Variants in PAK1 observed in about 807,000 individuals in gnomAD.
PAK1 encodes the protein serine/threonine-protein kinase PAK 1.
Under a neutral mutation model 67.4 loss-of-function variants are expected in PAK1, and 29 were observed. The observed-to-expected ratio is 0.43, with a 90% CI of 0.32 to 0.59. PAK1 has a LOEUF of 0.59. PAK1 is among the 20% of genes least tolerant of loss of function. The pLI is 0.07. For missense variants in PAK1, 337 were observed against 670.7 expected (o/e 0.50, Z 5.50); for synonymous variants, 223 against 237.4 (o/e 0.94, Z 0.56).
chr11:77,480,804 G>A, the PAK1 span, among the ~76,000 whole-genome samples: 1,100 of 152,220 alleles, frequency 7.2e-3, 13 homozygotes, highest in African/African-American at 0.025. Flanking sequence ...GATTACAGGC[G>A]TGAGCCACCA....
chr11:77,379,825 G>A, intron 3 of PAK1, 69 bp downstream of exon 3: 2 of 1,012,030 alleles, frequency 2.0e-6, no homozygotes, highest in Non-Finnish European at 3.0e-6. Context: ...AGATGAGAAA[G>A]GGTTGAATCT....
At chr11:77,376,095 A>T (rs1221728391) in intron 4 of PAK1, among the ~76,000 whole-genome samples, 1 of 152,226 alleles carries the variant, frequency 6.6e-6, no homozygotes, top group Non-Finnish European at 1.5e-5. Context: ...ACTTTGGCAG[A>T]GTACAACACT....
At chr11:77,482,220 C>G in the PAK1 span, among the ~76,000 whole-genome samples, 1 of 151,832 alleles carries the variant, frequency 6.6e-6, no homozygotes, top group African/African-American at 2.4e-5. Flanking sequence ...AACTCCTGAC[C>G]TCAGGTAATC....
chr11:77,373,919 A>C (rs1948761852), intron 5 of PAK1, among the ~76,000 whole-genome samples: 1 of 152,224 alleles, frequency 6.6e-6, no homozygotes, highest in Non-Finnish European at 1.5e-5. Flanking sequence ...AGACATGTCC[A>C]GGTGAGGGCA....
At chr11:77,353,420 G>A (rs1945555918) in intron 8 of PAK1, 116 bp downstream of exon 8, 1 of 720,350 alleles carries the variant, frequency 1.4e-6, no homozygotes. Flanking sequence ...TGGGTGAGGG[G>A]TAAAGTGGAG....
At chr11:77,514,231 C>T in the PAK1 span, among the ~76,000 whole-genome samples, 2 of 152,160 alleles carry the variant, frequency 1.3e-5, no homozygotes, top group Non-Finnish European at 2.9e-5. Flanking sequence ...CGGTGGCTAA[C>T]GCCTGTAATC....
upstream of PAK1, among the ~76,000 whole-genome samples, chr11:77,477,575 A>AAAAAAAAAAAC (rs1264519887): frequency 6.6e-6 from 1 of 150,482 alleles, no homozygotes; most frequent in Non-Finnish European, 1.5e-5. Context: ...TACAAAAAAA[A>AAAAAAAAAAAC]AAAAACCCAA....
chr11:77,422,207 C>G (rs908384951), intron 1 of PAK1, among the ~76,000 whole-genome samples: 2 of 152,260 alleles, frequency 1.3e-5, no homozygotes, highest in Admixed American at 1.3e-4. Context: ...ACACAGGCAC[C>G]AGCACACATT....
the PAK1 span, among the ~76,000 whole-genome samples, chr11:77,490,213 C>G: frequency 6.6e-6 from 1 of 151,190 alleles, no homozygotes; most frequent in Non-Finnish European, 1.5e-5. Context: ...CCCCTCCGCC[C>G]AGCAACCACA....
At chr11:77,521,328 G>A in the PAK1 span, among the ~76,000 whole-genome samples, 3 of 152,052 alleles carry the variant, frequency 2.0e-5, no homozygotes, top group Admixed American at 6.5e-5. Context: ...TTGGGAGTTC[G>A]AGACCAGCCT....
intron 5 of PAK1, 23 bp from the exon 6 acceptor site, chr11:77,359,040 A>T: frequency 6.2e-7 from 1 of 1,609,524 alleles, no homozygotes; most frequent in Non-Finnish European, 8.5e-7. Flanking sequence ...GAAAAGCAAG[A>T]TGCATCTGGT....
At chr11:77,394,717 C>T (rs549093712) in intron 1 of PAK1, among the ~76,000 whole-genome samples, 28 of 152,018 alleles carry the variant, frequency 1.8e-4, no homozygotes, top group South Asian at 4.2e-4. Context: ...TGGTGGCGCG[C>T]GCCTGTAGTC....
chr11:77,510,445 G>A, the PAK1 span, among the ~76,000 whole-genome samples: 6 of 152,224 alleles, frequency 3.9e-5, no homozygotes, highest in Admixed American at 3.9e-4. Flanking sequence ...TGTCCAGGAT[G>A]GTCTCAATCT....
intron 1 of PAK1, among the ~76,000 whole-genome samples, chr11:77,465,448 T>C (rs531023186): frequency 6.6e-6 from 1 of 152,120 alleles, no homozygotes; most frequent in African/African-American, 2.4e-5. Flanking sequence ...ATCCTATATA[T>C]AATCTCTAGA....
rs1945948908 is a variant in PAK1 at position 77,355,759 on chromosome 11, A to C, written c.681T>G (p.Asn227Lys). ...TCAAAGCATCTGGTGGAGTGGTGTT[A>C]TTTTCAGTAGGTGAAATGGGAGATG... The part of the protein sequence containing the change: ...VATSPISPTE[N>K]NTTPPDALTR... The change falls in exon 7 of 15, where the codon AAT becomes AAG. Residue 227 changes from asparagine (N) to lysine (K), a missense_variant. Asn to Lys is a moderately conservative substitution (Grantham distance 94, BLOSUM62 0). Coordinates refer to ENST00000356341, the MANE Select transcript of PAK1 (RefSeq NM_002576.5). The C allele has an allele frequency of 6.2e-7, 1 of 1,613,282 alleles. No individual in the cohort carries two copies. The highest frequency in any genetic ancestry group is 8.5e-7 in the Non-Finnish European group (1 of 1,179,416).
chr11:77,446,591 C>T (rs1322409240), intron 1 of PAK1, among the ~76,000 whole-genome samples: 1 of 151,136 alleles, frequency 6.6e-6, no homozygotes, highest in Non-Finnish European at 1.5e-5. Flanking sequence ...GATTTGAATC[C>T]AGAACATCTC....
chr11:77,381,093 A>G (rs923147058), intron 2 of PAK1, among the ~76,000 whole-genome samples: 1 of 151,984 alleles, frequency 6.6e-6, no homozygotes, highest in Non-Finnish European at 1.5e-5. Context: ...GGAAAAAACA[A>G]AAAGGTCTAG....
intron 1 of PAK1, among the ~76,000 whole-genome samples, chr11:77,404,071 G>GTTACC: frequency 6.6e-6 from 1 of 152,146 alleles, no homozygotes; most frequent in South Asian, 2.1e-4. Context: ...ACCAGATGCA[G>GTTACC]GTACCTTGGA....
chr11:77,446,511 C>CAAAAAAAAA (rs56952838), intron 1 of PAK1, among the ~76,000 whole-genome samples: 1 of 60,676 alleles, frequency 1.6e-5, no homozygotes. Flanking sequence ...GACCCTGTCT[C>CAAAAAAAAA]AAAAAAAAAA....
Sources: gnomAD v4.1 joint callset for allele counts (sites outside exome capture counted in the v4.1 genomes callset) on GRCh38, gnomAD v4.1.1 for gene constraint, MANE v1.5 for transcripts, NCBI Gene and HGNC (gene_info 2026-07-23, HGNC 2026-07-21) for gene names.